The following EFCAB3 variants were observed in gnomAD, a reference collection of about 807,000 sequenced individuals.
EFCAB3 encodes EF-hand calcium binding domain 3.
Under a neutral mutation model 42.2 loss-of-function variants are expected in EFCAB3, and 36 were observed. The ratio of observed to expected loss-of-function variants is 0.85; its 90% CI spans 0.65 to 1.13. The LOEUF is 1.13. Among genes scored for constraint, EFCAB3 ranks in the 50% most tolerant of loss-of-function variants. The probability of loss-of-function intolerance (pLI) is 0.00; values close to 1 mark genes in which losing one functional copy is unlikely to be tolerated. For synonymous variants in EFCAB3, 170 were observed against 172.8 expected, an observed-to-expected ratio of 0.98 and a Z score of 0.13; for missense variants, 418 against 505.1, an observed-to-expected ratio of 0.83 and a Z score of 1.65.
intron 8 of EFCAB3, among the ~76,000 whole-genome samples, chr17:62,409,142 C>G (rs1385988284): frequency 6.6e-6 from 1 of 152,196 alleles, no homozygotes; most frequent in African/African-American, 2.4e-5. Flanking sequence ...ACTACAACCT[C>G]CACTTCCCAG....
At chr17:62,389,682 T>C (rs1316148012) in intron 3 of EFCAB3, among the ~76,000 whole-genome samples, 2 of 152,200 alleles carry the variant, frequency 1.3e-5, no homozygotes, top group East Asian at 3.8e-4. Flanking sequence ...TGTATCCATA[T>C]ACTCTGCCTT....
rs912675399 is a variant in EFCAB3 at position 62,409,832 on chromosome 17, A to G, written c.867+2620A>G. Among the ~76,000 whole-genome samples, 40 of 152,068 alleles carry G rather than the reference A, an allele frequency of 2.6e-4. 1 individual carries two copies. The highest frequency in any genetic ancestry group is 9.4e-4 in the African/African-American group (39 of 41,506). The stretch of plus-strand genomic sequence containing the variant: ...ATATACTACATTTAATGCTATTTCT[A>G]TTAAACTATATGTTTATAGTTATAT... On this transcript the variant is annotated intron_variant, in intron 8 of 9. Coordinates refer to ENST00000305286, the MANE Select transcript of EFCAB3 (RefSeq NM_173503.4).
At chr17:62,410,819 A>G (rs1305152053) in intron 8 of EFCAB3, among the ~76,000 whole-genome samples, 1 of 152,120 alleles carries the variant, frequency 6.6e-6, no homozygotes, top group Non-Finnish European at 1.5e-5. Flanking sequence ...GGAGATGTGG[A>G]TCCCTGGAAG....
intron 9 of EFCAB3, among the ~76,000 whole-genome samples, 159 bp downstream of exon 9, chr17:62,414,013 C>T (rs1439282852): frequency 1.3e-5 from 2 of 152,230 alleles, no homozygotes; most frequent in African/African-American, 2.4e-5. Flanking sequence ...AACACCATTT[C>T]TTTCTCTATA....
At chr17:62,409,651 T>A (rs180826686) in intron 8 of EFCAB3, among the ~76,000 whole-genome samples, 5 of 147,734 alleles carry the variant, frequency 3.4e-5, no homozygotes, top group African/African-American at 1.2e-4. Context: ...CTTACCCCCT[T>A]TCCTGATTTT....
chr17:62,398,702 TACACAC>T (rs138374505), intron 6 of EFCAB3, among the ~76,000 whole-genome samples: 1 of 148,794 alleles, frequency 6.7e-6, no homozygotes, highest in South Asian at 2.1e-4. Flanking sequence ...ATTATATATG[TACACAC>T]ACACACACAC....
intron 5 of EFCAB3, among the ~76,000 whole-genome samples, chr17:62,394,322 T>G (rs966890839): frequency 6.6e-6 from 1 of 152,142 alleles, no homozygotes; most frequent in Admixed American, 6.6e-5. Flanking sequence ...TAAAAAAAAT[T>G]TATGTTTCAG....
chr17:62,382,214 C>G (rs974010037), intron 1 of EFCAB3, among the ~76,000 whole-genome samples: 1 of 152,160 alleles, frequency 6.6e-6, no homozygotes, highest in Non-Finnish European at 1.5e-5. Context: ...TCAATTATGA[C>G]TTGAAATGCT....
At chr17:62,408,010 A>G (rs921068406) in intron 8 of EFCAB3, among the ~76,000 whole-genome samples, 12 of 152,184 alleles carry the variant, frequency 7.9e-5, no homozygotes, top group African/African-American at 2.9e-4. Flanking sequence ...CTTTCACCAA[A>G]TGAAGTAACA....
At chr17:62,403,417 T>C (rs2070421267) in intron 6 of EFCAB3, among the ~76,000 whole-genome samples, 1 of 152,172 alleles carries the variant, frequency 6.6e-6, no homozygotes, top group South Asian at 2.1e-4. Flanking sequence ...ATATTTGCCA[T>C]CTCCATCCAC....
chr17:62,372,086 T>C (rs1264809583), intron 1 of EFCAB3, among the ~76,000 whole-genome samples: 1 of 152,244 alleles, frequency 6.6e-6, no homozygotes, highest in Non-Finnish European at 1.5e-5. Context: ...CTTCGCTTTC[T>C]CTACGAAGCC....
At chr17:62,410,501 C>G (rs781161415) in intron 8 of EFCAB3, among the ~76,000 whole-genome samples, 11 of 151,972 alleles carry the variant, frequency 7.2e-5, no homozygotes, top group African/African-American at 9.7e-5. Context: ...TGCCTGTAAC[C>G]CCAACACTTT....
chr17:62,414,923 G>A (rs1177793255), intron 9 of EFCAB3, among the ~76,000 whole-genome samples: 1 of 151,904 alleles, frequency 6.6e-6, no homozygotes, highest in East Asian at 1.9e-4. Context: ...GGCCAACATG[G>A]TGAAACCCCG....
intron 2 of EFCAB3, among the ~76,000 whole-genome samples, chr17:62,386,147 G>C (rs1178463719): frequency 6.6e-6 from 1 of 151,840 alleles, no homozygotes; most frequent in African/African-American, 2.4e-5. Context: ...TATAAAATTG[G>C]TTATAATTAA....
In EFCAB3 at chr17:62,415,116, AAAC is replaced by A. The variant is rs1454474786; in HGVS notation, c.991-884_991-882del. ...AAGACTCCGTCTCAAAAACAAAAAAAAACAAAAAAAAACAAAAAAACCACATTT... is the reference window on the plus strand; with the variant it reads ...AAGACTCCGTCTCAAAAACAAAAAAAAAAAAAAAACAAAAAAACCACATTT... On this transcript the variant is annotated intron_variant, in intron 9 of 9. Coordinates refer to ENST00000305286, the MANE Select transcript of EFCAB3 (RefSeq NM_173503.4). Among the ~76,000 whole-genome samples, 355 of 147,244 alleles carry A rather than the reference AAAC, an allele frequency of 2.4e-3. 4 individuals are homozygous for A. The highest frequency in any genetic ancestry group is 0.018 in the Admixed American group (270 of 14,602).
At position 62,414,879 on chromosome 17, in the gene EFCAB3, G is replaced by C. The variant is rs537643555; in HGVS notation, c.990+1025G>C. ...AGCACTTTGGGAAGCTAAGGCAGGC[G>C]AATCACCTGAGGTCAGGAGTTTGAG... On this transcript the variant is annotated intron_variant, in intron 9 of 9. Coordinates refer to ENST00000305286, the MANE Select transcript of EFCAB3 (RefSeq NM_173503.4). 3.3e-5 allele frequency among the ~76,000 whole-genome samples: 5 copies of C among 152,132 alleles called. No homozygotes were observed. The South Asian group carries it at 1.0e-3, about 32-fold the overall frequency.
At chr17:62,374,467 T>A (rs781731050) in intron 2 of EFCAB3, among the ~76,000 whole-genome samples, 2 of 152,054 alleles carry the variant, frequency 1.3e-5, no homozygotes, top group Non-Finnish European at 2.9e-5. Flanking sequence ...TCTCAAAAAA[T>A]AAATAAATAA....
At chr17:62,413,952 C>G (rs1232477362) in intron 9 of EFCAB3, 98 bp downstream of exon 9, 7 of 1,312,870 alleles carry the variant, frequency 5.3e-6, no homozygotes, top group Non-Finnish European at 7.2e-6. Context: ...TTTATCTGCT[C>G]TATGTCTTTA....
At chr17:62,411,605 C>A (rs1402227070) in intron 8 of EFCAB3, among the ~76,000 whole-genome samples, 8 of 151,894 alleles carry the variant, frequency 5.3e-5, no homozygotes, top group Non-Finnish European at 8.8e-5. Context: ...CCCATCTGTA[C>A]TAAATACAAA....
Sources: allele counts gnomAD v4.1 joint callset (sites outside exome capture counted in the v4.1 genomes callset), GRCh38; gene constraint gnomAD v4.1.1; transcripts MANE v1.5; gene names NCBI Gene and HGNC (gene_info 2026-07-23, HGNC 2026-07-21).